TRDN: variants seen among roughly 807,000 people sequenced by gnomAD.
The protein encoded by TRDN is triadin, also known as triadin in skeletal muscle.
Under a neutral mutation model 149.7 loss-of-function variants are expected in TRDN, and 161 were observed. That is an observed-to-expected ratio of 1.08 (90% CI 0.95 to 1.23). TRDN has a LOEUF of 1.23. TRDN is among the 50% of genes most tolerant of loss of function. The probability of loss-of-function intolerance (pLI) is 0.00; values close to 1 mark genes in which losing one functional copy is unlikely to be tolerated. For missense variants in TRDN, 896 were observed against 823.5 expected (o/e 1.09, Z -1.08); for synonymous variants, 294 against 250.5 (o/e 1.17, Z -1.64).
chr6:123,387,862 G>C lies in TRDN; in HGVS notation c.1135+660C>G, dbSNP rs552980969. 2.0e-5 allele frequency among the ~76,000 whole-genome samples: 3 copies of C among 151,780 alleles called. No homozygotes were observed. In the East Asian group the frequency reaches 5.8e-4, roughly 29 times the overall value. ...AATTCTGGAGGACTAAATGTCAGGG[G>C]AAAAAGAAAAAAATGGGGTTGAAGC... On this transcript the variant is annotated intron_variant, in intron 14 of 40. Transcript: ENST00000334268.
intron 18 of TRDN, among the ~76,000 whole-genome samples, chr6:123,376,438 G>A (rs2163447): frequency 0.9 from 136,473 of 152,222 alleles, 61,453 homozygotes; most frequent in East Asian, 0.99. Flanking sequence ...AAATGTAATT[G>A]TTCTATTTGG....
At chr6:123,244,834 G>A (rs192172522) in intron 38 of TRDN, among the ~76,000 whole-genome samples, 7 of 152,142 alleles carry the variant, frequency 4.6e-5, no homozygotes, top group Admixed American at 4.6e-4. Context: ...AATGTTAAGG[G>A]CAGCTAGAGA....
chr6:123,401,919 C>A (rs1562296099), intron 12 of TRDN, among the ~76,000 whole-genome samples: 1 of 150,524 alleles, frequency 6.6e-6, no homozygotes. Flanking sequence ...TGCACTCCAG[C>A]CTGGGTAACG....
chr6:123,479,923 A>G (rs1213756745), intron 9 of TRDN, among the ~76,000 whole-genome samples: 1 of 152,156 alleles, frequency 6.6e-6, no homozygotes, highest in African/African-American at 2.4e-5. Context: ...GTTTTATTTG[A>G]GGATAACTTA....
chr6:123,279,007 T>A (rs1777479550), intron 25 of TRDN, 49 bp downstream of exon 25: 6 of 1,533,112 alleles, frequency 3.9e-6, no homozygotes, highest in Non-Finnish European at 5.3e-6. Context: ...GTTTTATGTA[T>A]GTATGTACAT....
At chr6:123,392,717 A>C (rs1772540282) in intron 13 of TRDN, among the ~76,000 whole-genome samples, 1 of 152,008 alleles carries the variant, frequency 6.6e-6, no homozygotes, top group Non-Finnish European at 1.5e-5. Context: ...CCTCGAGTCA[A>C]ATGGCATTTA....
intron 33 of TRDN, among the ~76,000 whole-genome samples, chr6:123,261,653 AT>A (rs1562235152): frequency 6.6e-6 from 1 of 151,806 alleles, no homozygotes; most frequent in African/African-American, 2.4e-5. Flanking sequence ...TTACATAACT[AT>A]TTTGAGTAGC....
chr6:123,464,986 A>C lies in TRDN; in HGVS notation c.854-3T>G. The C allele has an allele frequency of 6.3e-7, 1 of 1,585,250 alleles. No individual in the cohort carries two copies. The highest frequency in any genetic ancestry group is 2.3e-5 in the East Asian group (1 of 44,118). On this transcript the variant is annotated splice_region_variant and splice_polypyrimidine_tract_variant and intron_variant, in intron 9 of 40. Transcript: ENST00000334268. ...AGGTGGAATGGCTGGGCTTTGTCCT[A>C]CACAATGTAGAAGTAGGAATTGGAA...
intron 5 of TRDN, among the ~76,000 whole-genome samples, chr6:123,518,636 C>T (rs189205103): frequency 6.6e-6 from 1 of 152,248 alleles, no homozygotes; most frequent in East Asian, 1.9e-4. Context: ...GGACTGAATT[C>T]GGACTGAAAT....
chr6:123,277,999 T>G (rs979598122), intron 26 of TRDN, among the ~76,000 whole-genome samples: 4 of 152,166 alleles, frequency 2.6e-5, no homozygotes, highest in Admixed American at 2.0e-4. Context: ...GAGAGAAGGA[T>G]GAGAGCAGAT....
In TRDN at chr6:123,457,316, G is replaced by A. The variant is rs1431787637; in HGVS notation, c.931+7590C>T. On this transcript the variant is annotated intron_variant, in intron 10 of 40. Transcript: ENST00000334268. Reference sequence around the variant, plus strand: ...TACTGAACAGTCAAGACAGACAGATGCCCCTATCTATCTTGGCAGCTGTAG... The same window carrying A: ...TACTGAACAGTCAAGACAGACAGATACCCCTATCTATCTTGGCAGCTGTAG... 2.0e-5 allele frequency among the ~76,000 whole-genome samples: 3 copies of A among 152,148 alleles called. No individual in the cohort carries two copies. The East Asian group carries it at 5.8e-4, about 29-fold the overall frequency.
chr6:123,314,932 C>T (rs764595331), intron 24 of TRDN, among the ~76,000 whole-genome samples: 13 of 151,928 alleles, frequency 8.6e-5, no homozygotes, highest in Non-Finnish European at 1.8e-4. Context: ...ATTGGTACAA[C>T]AAACCCCATG....
chr6:123,346,212 G>C (rs1342849819), intron 21 of TRDN, among the ~76,000 whole-genome samples: 2 of 151,900 alleles, frequency 1.3e-5, no homozygotes, highest in African/African-American at 4.8e-5. Flanking sequence ...TCTATTCCTA[G>C]TTTGCTGAGA....
intron 12 of TRDN, among the ~76,000 whole-genome samples, chr6:123,416,676 T>TTGTCACCA (rs1773660476): frequency 6.6e-6 from 1 of 151,838 alleles, no homozygotes; most frequent in Non-Finnish European, 1.5e-5. Flanking sequence ...CTTTGTCTCC[T>TTGTCACCA]TGTCACCATT....
chr6:123,596,595 C>T (rs888931521), intron 1 of TRDN, among the ~76,000 whole-genome samples: 2 of 152,078 alleles, frequency 1.3e-5, no homozygotes, highest in South Asian at 2.1e-4. Context: ...AAAGGACAGG[C>T]TAACTCTATC....
chr6:123,562,318 G>A (rs113387485), intron 2 of TRDN, among the ~76,000 whole-genome samples: 24,157 of 152,242 alleles, frequency 0.16, 2,463 homozygotes, highest in Non-Finnish European at 0.23. Flanking sequence ...CACAAAGCAT[G>A]TTTGGTGGTC....
At chr6:123,254,721 T>C (rs1406268179) in intron 37 of TRDN, among the ~76,000 whole-genome samples, 2 of 152,034 alleles carry the variant, frequency 1.3e-5, no homozygotes, top group East Asian at 3.8e-4. Flanking sequence ...TGATCTTAAC[T>C]ATATGTTATT....
At chr6:123,450,463 A>C (rs1775702459) in intron 10 of TRDN, among the ~76,000 whole-genome samples, 1 of 152,178 alleles carries the variant, frequency 6.6e-6, no homozygotes. Flanking sequence ...AAAAACAGAC[A>C]AGAAAAACCT....
intron 24 of TRDN, among the ~76,000 whole-genome samples, chr6:123,287,935 AT>A (rs1216577783): frequency 6.6e-6 from 1 of 151,906 alleles, no homozygotes; most frequent in African/African-American, 2.4e-5. Context: ...CTTTAGCCTT[AT>A]TTTTTATTAT....
Sources: gnomAD v4.1 joint callset for allele counts (sites outside exome capture counted in the v4.1 genomes callset) on GRCh38, gnomAD v4.1.1 for gene constraint, MANE v1.5 for transcripts, NCBI Gene and HGNC (gene_info 2026-07-23, HGNC 2026-07-21) for gene names.